FKBP1A: variants seen among roughly 807,000 people sequenced by gnomAD.
The protein encoded by FKBP1A is FKBP prolyl isomerase 1A.
A neutral mutation model predicts 14.2 loss-of-function variants in FKBP1A; 5 were observed. That is an observed-to-expected ratio of 0.35 (90% CI 0.18 to 0.74). The LOEUF is 0.74. Ranked by LOEUF, FKBP1A falls within the 30% of genes least tolerant of loss-of-function variation. FKBP1A has a pLI of 0.56. For synonymous variants in FKBP1A, 42 were observed against 49.1 expected, an observed-to-expected ratio of 0.86 and a Z score of 0.60; for missense variants, 53 against 138.8, an observed-to-expected ratio of 0.38 and a Z score of 3.10.
chr20:1,392,580 C>A (rs1299663454), intron 2 of FKBP1A, among the ~76,000 whole-genome samples: 1 of 152,184 alleles, frequency 6.6e-6, no homozygotes, highest in East Asian at 1.9e-4. Context: ...ATCTAAGGTG[C>A]AGAAATGCTT....
chr20:1,392,732 C>CGCCCCGGACCCCAG (rs1199848558), intron 2 of FKBP1A, 102 bp downstream of exon 2: 1 of 810,474 alleles, frequency 1.2e-6, no homozygotes, highest in African/African-American at 1.8e-5. Context: ...GCCGCCGCCA[C>CGCCCCGGACCCCAG]GCCCCGGACC....
intron 2 of FKBP1A, chr20:1,391,615 C>G (rs763119198): frequency 2.5e-6 from 1 of 398,408 alleles, no homozygotes; most frequent in Admixed American, 4.4e-5. Flanking sequence ...TTTCCTCTTT[C>G]CAGTGAAAGT....
intron 4 of FKBP1A, chr20:1,371,129 G>C (rs2089457981): frequency 1.0e-6 from 1 of 985,400 alleles, no homozygotes; most frequent in Non-Finnish European, 1.2e-6. Flanking sequence ...CCCAGGCCTT[G>C]GCTGTGACCC....
rs1378043002 is a variant in FKBP1A at position 1,370,045 on chromosome 20, G to A, written c.*64C>T. 1.3e-6 allele frequency: 2 copies of A among 1,550,084 alleles called. No homozygotes were observed. The highest frequency in any genetic ancestry group is 1.7e-6 in the Non-Finnish European group (2 of 1,146,914). ...CATATGGATTCATGTGCACATGTCT[G>A]GAGGCACCAGATCCCTCCATGGCAG... On this transcript the variant is annotated 3_prime_UTR_variant, in exon 5 of 5. Transcript: ENST00000400137.
At chr20:1,383,323 G>T (rs1336221334) in intron 2 of FKBP1A, among the ~76,000 whole-genome samples, 1 of 149,388 alleles carries the variant, frequency 6.7e-6, no homozygotes, top group African/African-American at 2.5e-5. Context: ...ATTTTACAGG[G>T]ACAAAATATG....
chr20:1,372,257 G>A lies in FKBP1A; in HGVS notation c.199-17C>T, dbSNP rs2089475588. 4 of 1,613,192 alleles carry A rather than the reference G, an allele frequency of 2.5e-6. No individual in the cohort carries two copies. In the East Asian group the frequency reaches 6.7e-5, roughly 27 times the overall value. On this transcript the variant is annotated splice_polypyrimidine_tract_variant and intron_variant, in intron 3 of 4. Coordinates refer to ENST00000400137, the MANE Select transcript of FKBP1A (RefSeq NM_000801.5). ...CACACTCATCTGTGAAAAGAACAAG[G>A]AAGACAGACTCAGCTGGACACATGC... is the stretch of plus-strand genomic sequence containing the variant.
At chr20:1,384,293 T>C (rs887018548) in intron 2 of FKBP1A, among the ~76,000 whole-genome samples, 1 of 152,198 alleles carries the variant, frequency 6.6e-6, no homozygotes, top group Non-Finnish European at 1.5e-5. Flanking sequence ...AGCTGACTCC[T>C]GGGAAAGACT....
Position 1,386,717 on chromosome 20 carries a change from G to A in FKBP1A, c.85+6117C>T, listed in dbSNP as rs972130660. Among the ~76,000 whole-genome samples, 49 of 152,188 alleles carry A rather than the reference G, an allele frequency of 3.2e-4. No individual in the cohort carries two copies. The highest frequency in any genetic ancestry group is 2.0e-3 in the Admixed American group (30 of 15,292). On this transcript the variant is annotated intron_variant, in intron 2 of 4. Transcript: ENST00000400137. The surrounding 1 kb of genome is among the most constrained non-coding windows in gnomAD (Gnocchi z 4.7). ...ATGTGGGAAAAGGCTTGGAGCATTC[G>A]AGGAATGAATGCAGGCCAAGGTGGC...
chr20:1,390,192 C>T (rs1274361427), intron 2 of FKBP1A, among the ~76,000 whole-genome samples: 1 of 152,150 alleles, frequency 6.6e-6, no homozygotes, highest in African/African-American at 2.4e-5. Context: ...TTCTCTGGAC[C>T]CGTGCCCAAA....
At chr20:1,372,341 T>C in intron 3 of FKBP1A, 101 bp from the exon 4 acceptor site, 1 of 1,309,976 alleles carries the variant, frequency 7.6e-7, no homozygotes, top group Non-Finnish European at 1.1e-6. Context: ...GCCAGGATGG[T>C]ATTGACTTTC....
chr20:1,383,684 T>TTAAAAAAA (rs1555788916), intron 2 of FKBP1A, among the ~76,000 whole-genome samples: 2 of 125,284 alleles, frequency 1.6e-5, no homozygotes, highest in African/African-American at 6.3e-5. Flanking sequence ...TGCAAAAAAT[T>TTAAAAAAA]AAAAAAAAAA....
intron 2 of FKBP1A, among the ~76,000 whole-genome samples, chr20:1,385,008 G>A (rs888832867): frequency 6.6e-6 from 1 of 152,242 alleles, no homozygotes; most frequent in African/African-American, 2.4e-5. Context: ...TGCATGCCCT[G>A]TGGGTGTGTC....
chr20:1,378,906 A>G (rs966730601), intron 2 of FKBP1A, among the ~76,000 whole-genome samples: 1 of 152,212 alleles, frequency 6.6e-6, no homozygotes, highest in African/African-American at 2.4e-5. Flanking sequence ...CAATGGGAAC[A>G]GTGTCTCATG....
intron 2 of FKBP1A, chr20:1,377,542 T>C (rs1171606719): frequency 6.6e-6 from 1 of 152,186 alleles, no homozygotes; most frequent in African/African-American, 2.4e-5. Context: ...TGGCAGGACT[T>C]GAACAGTTCT....
intron 2 of FKBP1A, 109 bp downstream of exon 2, chr20:1,392,725 G>T: frequency 1.3e-6 from 1 of 753,330 alleles, no homozygotes. Flanking sequence ...GGACCTCGCC[G>T]CCGCCACGCC....
intron 2 of FKBP1A, among the ~76,000 whole-genome samples, chr20:1,376,069 A>G (rs939857907): frequency 2.6e-5 from 4 of 152,142 alleles, no homozygotes; most frequent in Non-Finnish European, 5.9e-5. Context: ...TTGCTCCTCC[A>G]TTGTTCAGTG....
At chr20:1,370,348 G>A in intron 4 of FKBP1A, 1 of 985,454 alleles carries the variant, frequency 1.0e-6, no homozygotes, top group Non-Finnish European at 1.2e-6. Flanking sequence ...CACCCATGCT[G>A]CTGACAATAC....
chr20:1,370,058 C>G lies in FKBP1A; in HGVS notation c.*51G>C. 6.5e-7 allele frequency: 1 copy of G among 1,549,768 alleles called. No individual in the cohort carries two copies. Among genetic ancestry groups the G allele is most frequent in the South Asian group, 1.2e-5 (1 of 84,058 alleles). Reference sequence around the variant, plus strand: ...GTGCACATGTCTGGAGGCACCAGATCCCTCCATGGCAGATCTGTTGGGGAC... The same window carrying G: ...GTGCACATGTCTGGAGGCACCAGATGCCTCCATGGCAGATCTGTTGGGGAC... On this transcript the variant is annotated 3_prime_UTR_variant, in exon 5 of 5. Transcript: ENST00000400137.
intron 3 of FKBP1A, chr20:1,375,148 G>A (rs1023066145): frequency 3.4e-5 from 17 of 495,468 alleles, no homozygotes; most frequent in Non-Finnish European, 4.9e-5. Context: ...ACCCATCTTG[G>A]CCTCCCAAAG....
Sources: allele counts gnomAD v4.1 joint callset (sites outside exome capture counted in the v4.1 genomes callset), GRCh38; gene constraint gnomAD v4.1.1; non-coding constraint Gnocchi (gnomAD v3.1); transcripts MANE v1.5; gene names NCBI Gene and HGNC (gene_info 2026-07-23, HGNC 2026-07-21).